EPHA6: variants seen among roughly 807,000 people sequenced by gnomAD.
The protein encoded by EPHA6 is EPH receptor A6.
A neutral mutation model predicts 112.0 loss-of-function variants in EPHA6; 50 were observed. The ratio of observed to expected loss-of-function variants is 0.45; its 90% CI spans 0.36 to 0.56. The LOEUF (loss-of-function observed/expected upper bound fraction) is 0.56, where lower values mean the gene tolerates loss of function less well. EPHA6 is among the 20% of genes least tolerant of loss of function. The pLI is 0.00. For missense variants in EPHA6, 1,280 were observed against 1,417.4 expected (o/e 0.90, Z 1.56); for synonymous variants, 529 against 490.7 (o/e 1.08, Z -1.03).
Position 96,987,361 on chromosome 3 carries a change from A to C in EPHA6, c.482A>C (p.Asn161Thr), listed in dbSNP as rs919110468. 2.5e-6 allele frequency: 4 copies of C among 1,613,046 alleles called. No individual in the cohort carries two copies. In the African/African-American group the frequency reaches 5.3e-5, roughly 22 times the overall value. ...GCCATCACTGAAATGGATGAACATA[A>C]TAGGCCCATTCACACATACCAGGTA... ...WDAITEMDEH[N>T]RPIHTYQVCN... Residue 161 changes from asparagine (N) to threonine (T), a missense_variant, in exon 3 of 18, where the codon AAT (asparagine) becomes ACT (threonine). This residue lies in a region of EPHA6 where 878 missense variants were observed against 999.7 expected (regional missense o/e 0.88). Transcript: ENST00000389672.
At chr3:96,974,412 G>A (rs935122000) in intron 2 of EPHA6, among the ~76,000 whole-genome samples, 5 of 149,712 alleles carry the variant, frequency 3.3e-5, no homozygotes, top group Admixed American at 2.0e-4. Context: ...TACTAAGTTG[G>A]TCAGTTTGGT....
chr3:97,311,063 C>T (rs1263004628), intron 5 of EPHA6, among the ~76,000 whole-genome samples: 1 of 151,556 alleles, frequency 6.6e-6, no homozygotes, highest in African/African-American at 2.4e-5. Context: ...GACTAGCTGC[C>T]TTCCCAATTC....
chr3:97,457,006 CAA>C (rs1300382659), intron 7 of EPHA6, among the ~76,000 whole-genome samples: 1 of 152,022 alleles, frequency 6.6e-6, no homozygotes, highest in Non-Finnish European at 1.5e-5. Flanking sequence ...TATGGCTTTT[CAA>C]AAGTCGTATT....
In EPHA6 at chr3:97,364,809, T is replaced by C. The variant is rs945326489; in HGVS notation, c.1607-40341T>C. ...TACTGATTTCTTAAAATTTAGAAAA[T>C]TATTTTTTGGCAATAACTTGAAGAG... On this transcript the variant is annotated intron_variant, in intron 5 of 17. Coordinates refer to ENST00000389672, the MANE Select transcript of EPHA6 (RefSeq NM_001080448.3). 3.3e-5 allele frequency among the ~76,000 whole-genome samples: 5 copies of C among 152,156 alleles called. No homozygotes were observed. In the South Asian group the frequency reaches 6.2e-4, roughly 19 times the overall value.
At chr3:97,675,808 A>T (rs1349517639) in intron 14 of EPHA6, among the ~76,000 whole-genome samples, 2 of 152,200 alleles carry the variant, frequency 1.3e-5, no homozygotes, top group African/African-American at 4.8e-5. Context: ...AGTCTTTTAA[A>T]AAGTAAAAGA....
intron 2 of EPHA6, among the ~76,000 whole-genome samples, chr3:96,925,428 G>A (rs2039983116): frequency 6.6e-6 from 1 of 152,092 alleles, no homozygotes. Flanking sequence ...TAGTTTATTT[G>A]CATAGAGATG....
chr3:97,061,814 G>A (rs2046030695), intron 3 of EPHA6, among the ~76,000 whole-genome samples: 1 of 152,130 alleles, frequency 6.6e-6, no homozygotes, highest in Non-Finnish European at 1.5e-5. Context: ...ACTATAGTAT[G>A]TGCTATTATA....
At chr3:97,125,140 C>A (rs917045992) in intron 3 of EPHA6, among the ~76,000 whole-genome samples, 7 of 151,318 alleles carry the variant, frequency 4.6e-5, no homozygotes, top group African/African-American at 1.7e-4. Flanking sequence ...ACAGAAGAAA[C>A]TAATGCCCTG....
chr3:96,939,702 T>C (rs1284533621), intron 2 of EPHA6, among the ~76,000 whole-genome samples: 1 of 152,228 alleles, frequency 6.6e-6, no homozygotes, highest in East Asian at 1.9e-4. Flanking sequence ...TGTTAGGGTG[T>C]CAATTTAGGA....
chr3:96,897,229 C>A (rs2038329007), intron 2 of EPHA6, among the ~76,000 whole-genome samples: 1 of 151,966 alleles, frequency 6.6e-6, no homozygotes. Flanking sequence ...CACACACACA[C>A]ACACACACAC....
rs530077412 is a variant in EPHA6 at position 97,754,261 on chromosome 3, T to A, written c.*5560T>A. ...GCGCCACCACGCCCAGCTAATTTTG[T>A]ATTTTTAGTAGAGACGGGATTTCTC... On this transcript the variant is annotated 3_prime_UTR_variant, in exon 18 of 18. Transcript: ENST00000389672. Among the ~76,000 whole-genome samples the A allele has an allele frequency of 2.6e-5, 4 of 152,124 alleles. No homozygotes were observed. The highest frequency in any genetic ancestry group is 9.6e-5 in the African/African-American group (4 of 41,512).
chr3:97,013,331 T>C (rs1014158168), intron 3 of EPHA6, among the ~76,000 whole-genome samples: 5 of 152,114 alleles, frequency 3.3e-5, no homozygotes, highest in African/African-American at 9.6e-5. Context: ...ATTTAAATTA[T>C]ATTTTACTTA....
chr3:97,414,690 C>T (rs1376353985), intron 6 of EPHA6, among the ~76,000 whole-genome samples: 1 of 152,008 alleles, frequency 6.6e-6, no homozygotes. Context: ...TATGAGGCTT[C>T]TTTGACCAGA....
intron 11 of EPHA6, among the ~76,000 whole-genome samples, chr3:97,545,901 TG>T: frequency 6.6e-6 from 1 of 152,336 alleles, no homozygotes; most frequent in East Asian, 1.9e-4. Context: ...TGCCTTTTTT[TG>T]TTTTCCATTT....
intron 3 of EPHA6, among the ~76,000 whole-genome samples, chr3:97,097,507 T>C (rs901319885): frequency 2.6e-5 from 4 of 151,810 alleles, no homozygotes; most frequent in East Asian, 3.9e-4. Flanking sequence ...ATATAAGTTG[T>C]AGCTGAATGA....
At chr3:97,200,757 A>G (rs1437413312) in intron 3 of EPHA6, among the ~76,000 whole-genome samples, 1 of 152,140 alleles carries the variant, frequency 6.6e-6, no homozygotes, top group Non-Finnish European at 1.5e-5. Flanking sequence ...GGATGCAAAA[A>G]TGAATATGGC....
intron 11 of EPHA6, among the ~76,000 whole-genome samples, chr3:97,551,517 A>G (rs2093028846): frequency 6.6e-6 from 1 of 152,140 alleles, no homozygotes. Flanking sequence ...CTTAGCCCTG[A>G]AAATAATGTG....
At chr3:97,024,376 T>G (rs2044563944) in intron 3 of EPHA6, among the ~76,000 whole-genome samples, 1 of 152,182 alleles carries the variant, frequency 6.6e-6, no homozygotes, top group South Asian at 2.1e-4. Context: ...GAACATGCCA[T>G]TTTATGACTC....
At chr3:97,575,325 A>G (rs1312367318) in intron 11 of EPHA6, among the ~76,000 whole-genome samples, 1 of 152,216 alleles carries the variant, frequency 6.6e-6, no homozygotes, top group East Asian at 1.9e-4. Flanking sequence ...TTATATATGT[A>G]CTGGTGAACA....
Sources: allele counts gnomAD v4.1 joint callset (sites outside exome capture counted in the v4.1 genomes callset), GRCh38; gene constraint gnomAD v4.1.1; regional missense constraint gnomAD v4.1.1; transcripts MANE v1.5; gene names NCBI Gene and HGNC (gene_info 2026-07-23, HGNC 2026-07-21).